Variants in ARNT2 observed in about 807,000 individuals in gnomAD.
ARNT2 encodes ARNT protein 2.
In ARNT2, 36 loss-of-function variants were observed where a neutral mutation model predicts 91.7. That is an observed-to-expected ratio of 0.39 (90% CI 0.30 to 0.52). The LOEUF is 0.52. Ranked by LOEUF, ARNT2 falls within the 20% of genes least tolerant of loss-of-function variation. ARNT2 has a pLI of 0.72. For missense variants in ARNT2, 775 were observed against 939.3 expected (o/e 0.83, Z 2.29); for synonymous variants, 365 against 347.1 (o/e 1.05, Z -0.57).
At chr15:80,552,193 GA>G (rs1425467423) in intron 9 of ARNT2, among the ~76,000 whole-genome samples, 5 of 152,314 alleles carry the variant, frequency 3.3e-5, no homozygotes, top group African/African-American at 1.2e-4. Flanking sequence ...CATGGGTGAA[GA>G]AAGAATATTT....
chr15:80,429,140 G>T (rs1024694615), intron 1 of ARNT2, among the ~76,000 whole-genome samples: 19 of 152,188 alleles, frequency 1.2e-4, no homozygotes, highest in African/African-American at 4.6e-4. Flanking sequence ...CTGACAAACA[G>T]CTCCTAAAAC....
intron 6 of ARNT2, among the ~76,000 whole-genome samples, chr15:80,511,165 G>A (rs1471766803): frequency 1.3e-5 from 2 of 152,120 alleles, no homozygotes; most frequent in Non-Finnish European, 2.9e-5. Context: ...AGAAAATGTG[G>A]TACGTATACA....
At chr15:80,468,354 TATC>T (rs1270818296) in intron 3 of ARNT2, among the ~76,000 whole-genome samples, 5 of 151,872 alleles carry the variant, frequency 3.3e-5, no homozygotes, top group African/African-American at 1.2e-4. Context: ...TCACGGCTCT[TATC>T]AGCCTGCCAT....
intron 1 of ARNT2, chr15:80,443,072 G>A: frequency 2.1e-6 from 2 of 973,950 alleles, no homozygotes; most frequent in Non-Finnish European, 2.4e-6. Flanking sequence ...ACTGGGTAGG[G>A]GAGGGGTTGT....
At chr15:80,501,779 G>A (rs1490132940) in intron 5 of ARNT2, among the ~76,000 whole-genome samples, 2 of 152,170 alleles carry the variant, frequency 1.3e-5, no homozygotes, top group African/African-American at 4.8e-5. Context: ...ACCCTTCAAA[G>A]TAGGAATGCC....
At chr15:80,466,711 G>A (rs765869576) in intron 3 of ARNT2, among the ~76,000 whole-genome samples, 4 of 152,248 alleles carry the variant, frequency 2.6e-5, no homozygotes, top group Non-Finnish European at 5.9e-5. Flanking sequence ...ATATGTGTAT[G>A]TCACTCACTT....
chr15:80,597,331 C>A lies in ARNT2; in HGVS notation c.*3633C>A, dbSNP rs1893390445. The stretch of plus-strand genomic sequence containing the variant: ...AGGAAGAAGCCAGTGACCGGAACAG[C>A]TCTAGGAATAACAAGTCAGAATAGA... On this transcript the variant is annotated 3_prime_UTR_variant, in exon 19 of 19. Coordinates refer to ENST00000303329, the MANE Select transcript of ARNT2 (RefSeq NM_014862.4). 1 of 518,378 alleles carries A rather than the reference C, an allele frequency of 1.9e-6. No individual in the cohort carries two copies. The allele number at this position is 518,378 out of a possible 1,614,324, so 32.1% of individuals were successfully genotyped here.
intron 6 of ARNT2, among the ~76,000 whole-genome samples, chr15:80,511,893 ATGAGCCCTGAATG>A (rs1364762067): frequency 6.6e-6 from 1 of 152,166 alleles, no homozygotes; most frequent in African/African-American, 2.4e-5. Flanking sequence ...AAGGCTACTG[ATGAGCCCTGAATG>A]TGAGCCCTGA....
chr15:80,530,520 C>G (rs1897721774), intron 8 of ARNT2, among the ~76,000 whole-genome samples: 1 of 152,148 alleles, frequency 6.6e-6, no homozygotes, highest in Non-Finnish European at 1.5e-5. Flanking sequence ...CGACTCTTCC[C>G]TCCACCCATT....
At position 80,513,970 on chromosome 15, in the gene ARNT2, G is replaced by A. The variant is rs370124029; in HGVS notation, c.785G>A (p.Arg262Lys). ...AACAGAATAACCACCATGAGGAAAAGGTTCAGGTCAGTATCTCTTCCGATG... is the reference window on the plus strand; with the variant it reads ...AACAGAATAACCACCATGAGGAAAAAGTTCAGGTCAGTATCTCTTCCGATG... The part of the protein sequence containing the change: ...PLNRITTMRK[R>K]FRNGLGPVKE... The change falls in exon 7 of 19, where the codon AGG becomes AAG. Residue 262 changes from arginine (R) to lysine (K), a missense_variant. Arg to Lys is a conservative substitution (Grantham distance 26). Coordinates refer to ENST00000303329, the MANE Select transcript of ARNT2 (RefSeq NM_014862.4). 132 of 1,612,730 alleles carry A rather than the reference G, an allele frequency of 8.2e-5. No homozygotes were observed. The highest frequency in any genetic ancestry group is 1.0e-4 in the Non-Finnish European group (123 of 1,178,870).
chr15:80,458,666 C>A (rs200411421), intron 3 of ARNT2, among the ~76,000 whole-genome samples: 1 of 145,582 alleles, frequency 6.9e-6, no homozygotes, highest in South Asian at 2.2e-4. Flanking sequence ...ATGACTGTGT[C>A]TTTTTTTTTT....
chr15:80,550,633 CCTTT>C (rs1323460483), intron 8 of ARNT2, among the ~76,000 whole-genome samples: 1 of 152,188 alleles, frequency 6.6e-6, no homozygotes, highest in Non-Finnish European at 1.5e-5. Flanking sequence ...TTAACCAGTT[CCTTT>C]CTATCTGGAG....
intron 17 of ARNT2, among the ~76,000 whole-genome samples, chr15:80,590,440 T>C (rs1596028424): frequency 6.6e-6 from 1 of 152,214 alleles, no homozygotes; most frequent in South Asian, 2.1e-4. Flanking sequence ...AAAAATGTTT[T>C]TCGACAAAAA....
rs1893274464 is a variant in ARNT2, at chr15:80,591,221, G to T, written c.1919-347G>T. ...CCCACACTCTGCATGCAACAGATAT[G>T]CCCCTTGCCCCCCAGATGCCCGCAG... is the stretch of plus-strand genomic sequence containing the variant. On this transcript the variant is annotated intron_variant, in intron 17 of 18. Coordinates refer to ENST00000303329, the MANE Select transcript of ARNT2 (RefSeq NM_014862.4). This position sits in a 1 kb window ranked among gnomAD's most constrained non-coding sequence, Gnocchi z 5.1. Among the ~76,000 whole-genome samples, 1 of 152,036 alleles carries T rather than the reference G, an allele frequency of 6.6e-6. No individual in the cohort carries two copies. The highest frequency in any genetic ancestry group is 2.1e-4 in the South Asian group (1 of 4,832).
chr15:80,454,008 G>A (rs1567183616), intron 2 of ARNT2, among the ~76,000 whole-genome samples: 2 of 152,158 alleles, frequency 1.3e-5, no homozygotes, highest in Non-Finnish European at 1.5e-5. Flanking sequence ...CAGGCCTCCC[G>A]CCGGGCCTAG....
chr15:80,450,992 C>G lies in ARNT2; in HGVS notation c.144C>G (p.Ser48=). Residue 48 remains serine (S), a splice_region_variant and synonymous_variant, in exon 2 of 19, where the codon TCC becomes TCG. Transcript: ENST00000303329. ...AMPARGGKRR[S]GMDFDDEDGE... ...CTGCCCGTGGAGGAAAGCGGCGTTCCGGGTAAGCGACCTCAGCGTTTCCAG... is the reference window on the plus strand; with the variant it reads ...CTGCCCGTGGAGGAAAGCGGCGTTCGGGGTAAGCGACCTCAGCGTTTCCAG... 6.2e-7 allele frequency: 1 copy of G among 1,613,126 alleles called. No homozygotes were observed. Among genetic ancestry groups the G allele is most frequent in the Non-Finnish European group, 8.5e-7 (1 of 1,179,608 alleles).
In ARNT2 at chr15:80,508,216, G is replaced by GGAT; in HGVS notation, c.685_687dup (p.Met229dup). On this transcript the variant is annotated inframe_insertion, in exon 6 of 19. Coordinates refer to ENST00000303329, the MANE Select transcript of ARNT2 (RefSeq NM_014862.4). ...AAAGAAGGGCAGCAGTCATCCATGA[G>GGAT]GATGTGCATGGGCTCGCGGCGGTCT... The GGAT allele has an allele frequency of 1.2e-6, 2 of 1,614,156 alleles. No individual in the cohort carries two copies. Among genetic ancestry groups the GGAT allele is most frequent in the Non-Finnish European group, 1.7e-6 (2 of 1,180,004 alleles).
chr15:80,562,995 C>T, intron 11 of ARNT2, 93 bp from the exon 12 acceptor site: 1 of 1,438,986 alleles, frequency 6.9e-7, no homozygotes, highest in East Asian at 2.3e-5. Context: ...TCCTGCTGGC[C>T]CCTGCCGCAA....
intron 1 of ARNT2, among the ~76,000 whole-genome samples, chr15:80,418,359 T>G (rs1895815798): frequency 3.3e-5 from 5 of 152,200 alleles, no homozygotes; most frequent in Admixed American, 2.0e-4. Flanking sequence ...AGGACAGTGG[T>G]GACCTTGGAT....
Sources: allele counts gnomAD v4.1 joint callset (sites outside exome capture counted in the v4.1 genomes callset), GRCh38; gene constraint gnomAD v4.1.1; non-coding constraint Gnocchi (gnomAD v3.1); transcripts MANE v1.5; gene names NCBI Gene and HGNC (gene_info 2026-07-23, HGNC 2026-07-21).